Variants in PMPCB observed in about 807,000 individuals in gnomAD.
The protein encoded by PMPCB is peptidase, mitochondrial processing subunit beta.
A neutral mutation model predicts 61.5 loss-of-function variants in PMPCB; 46 were observed. The observed-to-expected ratio is 0.75, with a 90% CI of 0.59 to 0.96. PMPCB has a LOEUF of 0.96. Among genes scored for constraint, PMPCB ranks in the 40% least tolerant of loss-of-function variants. The probability of loss-of-function intolerance (pLI) is 0.00; values close to 1 mark genes in which losing one functional copy is unlikely to be tolerated. For missense variants in PMPCB, 590 were observed against 602.4 expected, an observed-to-expected ratio of 0.98 and a Z score of 0.22; for synonymous variants, 191 against 201.6, an observed-to-expected ratio of 0.95 and a Z score of 0.44.
chr7:103,344,943 C>T, the PMPCB span: 58 of 538,978 alleles, frequency 1.1e-4, no homozygotes, highest in Middle Eastern at 4.8e-4. Flanking sequence ...TTATATTCCA[C>T]GTCCCAGTGC....
At chr7:103,306,909 C>T (rs1817608805) in intron 6 of PMPCB, among the ~76,000 whole-genome samples, 1 of 152,164 alleles carries the variant, frequency 6.6e-6, no homozygotes, top group Non-Finnish European at 1.5e-5. Flanking sequence ...CAGGCGCCTG[C>T]TACCATGCCC....
At chr7:103,311,779 A>G (rs769907652) in intron 10 of PMPCB, 29 bp from the exon 11 acceptor site, 6 of 1,600,884 alleles carry the variant, frequency 3.7e-6, no homozygotes, top group South Asian at 1.1e-5. Flanking sequence ...CTGTATTCCA[A>G]TAGTTAATTT....
At chr7:103,345,894 G>A in the PMPCB span, among the ~76,000 whole-genome samples, 1 of 151,790 alleles carries the variant, frequency 6.6e-6, no homozygotes, top group Non-Finnish European at 1.5e-5. Context: ...GCAGTGAGCT[G>A]AGATCACACC....
Position 103,298,728 on chromosome 7 carries a change from T to A in PMPCB, c.240+20T>A. On this transcript the variant is annotated intron_variant, in intron 2 of 12. Coordinates refer to ENST00000249269, the MANE Select transcript of PMPCB (RefSeq NM_004279.3). ...TGCACAGTAAGTGACTCAGGCAACC[T>A]TCTCTAAGTGACCCTTCATTTAGCG... 1 of 1,606,852 alleles carries A rather than the reference T, an allele frequency of 6.2e-7. No individual in the cohort carries two copies. The highest frequency in any genetic ancestry group is 1.3e-5 in the African/African-American group (1 of 74,784).
At chr7:103,302,728 T>C (rs1348482248) in intron 4 of PMPCB, among the ~76,000 whole-genome samples, 1 of 152,090 alleles carries the variant, frequency 6.6e-6, no homozygotes, top group Non-Finnish European at 1.5e-5. Flanking sequence ...GCAACAACAG[T>C]TTGTAGTAGA....
intron 12 of PMPCB, among the ~76,000 whole-genome samples, chr7:103,326,063 CTG>C (rs992508744): frequency 1.3e-5 from 2 of 152,030 alleles, no homozygotes; most frequent in African/African-American, 4.8e-5. Context: ...ACTGCAACCA[CTG>C]TCTCCTGGGT....
intron 12 of PMPCB, among the ~76,000 whole-genome samples, chr7:103,325,772 GAAATA>G (rs1818671427): frequency 6.6e-6 from 1 of 152,180 alleles, no homozygotes; most frequent in South Asian, 2.1e-4. Context: ...AAACTTTAAT[GAAATA>G]AAATACGTAT....
At chr7:103,345,661 G>A in the PMPCB span, among the ~76,000 whole-genome samples, 3 of 150,332 alleles carry the variant, frequency 2.0e-5, no homozygotes, top group African/African-American at 7.3e-5. Flanking sequence ...TCACTATGTT[G>A]CCCAAGGTGG....
the PMPCB span, chr7:103,341,667 AT>A: frequency 9.7e-7 from 1 of 1,027,372 alleles, no homozygotes; most frequent in Non-Finnish European, 1.4e-6. Flanking sequence ...ATCTTGCTGA[AT>A]CATCTTAAAA....
At chr7:103,332,085 T>A (rs180789489), downstream of PMPCB, among the ~76,000 whole-genome samples, 15 of 151,768 alleles carry the variant, frequency 9.9e-5, no homozygotes, top group African/African-American at 2.4e-4. Context: ...GCTCACTGCA[T>A]GCTCTGCCTC....
chr7:103,308,906 A>G, intron 7 of PMPCB, 46 bp from the exon 8 acceptor site: 1 of 1,459,342 alleles, frequency 6.9e-7, no homozygotes. Flanking sequence ...AGCATGTTAT[A>G]TAATGTTAAT....
chr7:103,315,114 T>C (rs1030132147), downstream of PMPCB, among the ~76,000 whole-genome samples: 1 of 151,962 alleles, frequency 6.6e-6, no homozygotes, highest in African/African-American at 2.4e-5. Context: ...ATTTGTAACA[T>C]GAAAAGCATT....
At chr7:103,326,772 G>T (rs1818732226) in intron 12 of PMPCB, 2 of 1,310,434 alleles carry the variant, frequency 1.5e-6, no homozygotes, top group Admixed American at 2.8e-5. Context: ...TTAAAACATA[G>T]AAGTCATTAA....
At chr7:103,300,406 C>A in intron 4 of PMPCB, 99 bp downstream of exon 4, 2 of 982,308 alleles carry the variant, frequency 2.0e-6, no homozygotes, top group East Asian at 2.8e-5. Flanking sequence ...GAGTAAGTTC[C>A]AGAAATGTGA....
At chr7:103,338,771 G>A in the PMPCB span, among the ~76,000 whole-genome samples, 2 of 151,888 alleles carry the variant, frequency 1.3e-5, no homozygotes, top group South Asian at 2.1e-4. Context: ...TTAGCCGGGC[G>A]TGGTGGCGCC....
intron 7 of PMPCB, among the ~76,000 whole-genome samples, 157 bp downstream of exon 7, chr7:103,307,865 C>T (rs993382042): frequency 2.6e-5 from 4 of 152,150 alleles, no homozygotes; most frequent in Non-Finnish European, 2.9e-5. Context: ...CTTCCTCTTC[C>T]GTATTCTTTA....
At chr7:103,332,068 A>C, downstream of PMPCB, among the ~76,000 whole-genome samples, 1 of 149,778 alleles carries the variant, frequency 6.7e-6, no homozygotes, top group East Asian at 2.0e-4. Flanking sequence ...GCAGTGGTGC[A>C]GTCTTGGCTC....
At chr7:103,322,967 T>C (rs1818501331) in intron 12 of PMPCB, among the ~76,000 whole-genome samples, 1 of 152,124 alleles carries the variant, frequency 6.6e-6, no homozygotes, top group African/African-American at 2.4e-5. Context: ...TTTGCTCTTG[T>C]CGCCCAGGCT....
At chr7:103,299,557 ACT>A (rs762590243) in intron 3 of PMPCB, 28 bp downstream of exon 3, 9 of 1,355,190 alleles carry the variant, frequency 6.6e-6, no homozygotes, top group Non-Finnish European at 9.5e-6. Context: ...ACAAAAATGC[ACT>A]CTCTTTAAGA....
Sources: allele counts gnomAD v4.1 joint callset (sites outside exome capture counted in the v4.1 genomes callset), GRCh38; gene constraint gnomAD v4.1.1; transcripts MANE v1.5; gene names NCBI Gene and HGNC (gene_info 2026-07-23, HGNC 2026-07-21).